AK9: variants seen among roughly 807,000 people sequenced by gnomAD.
AK9 encodes the protein adenylate kinase domain containing 1.
A neutral mutation model predicts 239.6 loss-of-function variants in AK9; 191 were observed. The ratio of observed to expected loss-of-function variants is 0.80; its 90% CI spans 0.71 to 0.90. AK9 has a LOEUF of 0.90. AK9 is among the 40% of genes least tolerant of loss of function. AK9 has a pLI of 0.00. For missense variants in AK9, 1,995 were observed against 2,214.7 expected, an observed-to-expected ratio of 0.90 and a Z score of 1.99; for synonymous variants, 689 against 721.0, an observed-to-expected ratio of 0.96 and a Z score of 0.71.
intron 38 of AK9, among the ~76,000 whole-genome samples, chr6:109,497,174 A>C (rs562324802): frequency 1.6e-4 from 25 of 151,712 alleles, no homozygotes; most frequent in Non-Finnish European, 2.9e-4. Context: ...CTGACCTTAC[A>C]CCCACACACA....
chr6:109,618,258 G>A (rs1318022041), intron 13 of AK9, among the ~76,000 whole-genome samples: 3 of 151,984 alleles, frequency 2.0e-5, no homozygotes, highest in Non-Finnish European at 4.4e-5. Context: ...AGGAAATGTT[G>A]CATTAAGGAC....
At chr6:109,592,707 AAGTGCTGGTTTTAC>A (rs1375561776) in intron 17 of AK9, among the ~76,000 whole-genome samples, 2 of 152,028 alleles carry the variant, frequency 1.3e-5, no homozygotes, top group Non-Finnish European at 2.9e-5. Flanking sequence ...CGGCCTTCAA[AAGTGCTGGTTTTAC>A]AGGCATGAGC....
intron 15 of AK9, 55 bp from the exon 16 acceptor site, chr6:109,612,148 G>T: frequency 8.5e-7 from 1 of 1,175,624 alleles, no homozygotes; most frequent in South Asian, 1.5e-5. Context: ...AAATGTAGGT[G>T]ATTCCCAAGG....
In AK9 at chr6:109,585,191, A is replaced by C; in HGVS notation, c.2046T>G (p.Ile682Met). The C allele has an allele frequency of 9.7e-7, 1 of 1,036,114 alleles. No individual in the cohort carries two copies. Among genetic ancestry groups the C allele is most frequent in the Non-Finnish European group, 1.3e-6 (1 of 790,436 alleles). 64.2% of individuals were successfully genotyped at this position (1,036,114 alleles called of 1,614,324 possible). A position where few individuals can be genotyped will look rare whatever the true frequency, so the allele number is the denominator to read the frequency against. The change falls in exon 19 of 41, where the codon ATT (isoleucine) becomes ATG (methionine). Residue 682 changes from isoleucine to methionine, a missense_variant. This residue lies in a region of AK9 where 1,290 missense variants were observed against 1,392.7 expected (regional missense o/e 0.93). Transcript: ENST00000424296. Reference protein sequence around the residue: ...NRIYLQKKSEIDSKILERLLE... With the variant: ...NRIYLQKKSEMDSKILERLLE... ...ATAATCTTTCTAAAATCTTAGAGTCAATTTCAGATTTCTTCTGTAAATATA... is the reference window on the plus strand; with the variant it reads ...ATAATCTTTCTAAAATCTTAGAGTCCATTTCAGATTTCTTCTGTAAATATA...
rs140053881 is a variant in AK9, at chr6:109,521,298, G to A, written c.3634-4656C>T. Among the ~76,000 whole-genome samples, 55 of 152,142 alleles carry A rather than the reference G, an allele frequency of 3.6e-4. No homozygotes were observed. The East Asian group carries it at 7.1e-3, about 20-fold the overall frequency. ...CCTCTTTCCTGCCAGTGATGATGAG[G>A]AATTTAGCTAACTTACATCACTCCT... is the stretch of plus-strand genomic sequence containing the variant. On this transcript the variant is annotated intron_variant, in intron 29 of 40. Transcript: ENST00000424296.
chr6:109,531,598 T>C (rs1781265516), intron 28 of AK9, among the ~76,000 whole-genome samples: 1 of 152,194 alleles, frequency 6.6e-6, no homozygotes, highest in Non-Finnish European at 1.5e-5. Context: ...CAACAGCCAC[T>C]GCGGCTACTG....
At chr6:109,541,922 A>T (rs1782948889) in intron 27 of AK9, 125 bp downstream of exon 27, 2 of 876,170 alleles carry the variant, frequency 2.3e-6, no homozygotes, top group Admixed American at 7.0e-5. Flanking sequence ...CTCAAGTGAA[A>T]AATCACCAGC....
intron 1 of AK9, among the ~76,000 whole-genome samples, chr6:109,690,042 A>G (rs1315873833): frequency 6.6e-6 from 1 of 152,214 alleles, no homozygotes; most frequent in Non-Finnish European, 1.5e-5. Flanking sequence ...TTTCTTTACA[A>G]TTTTTGTAAT....
chr6:109,682,593 A>C (rs148457798), intron 1 of AK9, among the ~76,000 whole-genome samples: 1 of 152,142 alleles, frequency 6.6e-6, no homozygotes. Flanking sequence ...CAGAAATACA[A>C]ACTACCATCA....
At chr6:109,626,730 A>C (rs1305223131) in intron 12 of AK9, among the ~76,000 whole-genome samples, 1 of 152,228 alleles carries the variant, frequency 6.6e-6, no homozygotes, top group African/African-American at 2.4e-5. Flanking sequence ...ACATATCTAA[A>C]TATAGAAAAG....
intron 6 of AK9, among the ~76,000 whole-genome samples, chr6:109,661,402 C>T (rs911022): frequency 0.71 from 108,364 of 152,098 alleles, 39,085 homozygotes; most frequent in East Asian, 0.99. Flanking sequence ...CTTTAGTTCA[C>T]CAAACCTAGA....
intron 6 of AK9, 33 bp from the exon 7 acceptor site, chr6:109,659,446 A>T: frequency 6.4e-7 from 1 of 1,566,942 alleles, no homozygotes. Flanking sequence ...CACTTAAAAC[A>T]TTTTGAATAT....
chr6:109,614,666 G>A (rs1249095579), intron 13 of AK9, among the ~76,000 whole-genome samples, 186 bp from the exon 14 acceptor site: 1 of 152,096 alleles, frequency 6.6e-6, no homozygotes, highest in Admixed American at 6.6e-5. Context: ...GGCAAAATGA[G>A]GATCTTTAAA....
At chr6:109,560,405 GT>G (rs1304944180) in intron 24 of AK9, among the ~76,000 whole-genome samples, 7 of 152,132 alleles carry the variant, frequency 4.6e-5, no homozygotes, top group Non-Finnish European at 7.4e-5. Context: ...GACATTAGCT[GT>G]TAGAGACTTT....
intron 29 of AK9, among the ~76,000 whole-genome samples, chr6:109,526,605 A>G (rs1017681690): frequency 1.3e-5 from 2 of 152,118 alleles, no homozygotes; most frequent in African/African-American, 4.8e-5. Flanking sequence ...GTGACGGAAG[A>G]GGAAAGCATG....
intron 20 of AK9, among the ~76,000 whole-genome samples, chr6:109,573,809 G>A (rs1362405123): frequency 6.6e-6 from 1 of 152,164 alleles, no homozygotes; most frequent in African/African-American, 2.4e-5. Flanking sequence ...AGTTCTGTAT[G>A]AGTACCAGAC....
At chr6:109,565,487 T>A (rs79118290) in intron 21 of AK9, among the ~76,000 whole-genome samples, 33 of 145,744 alleles carry the variant, frequency 2.3e-4, no homozygotes, top group East Asian at 1.2e-3. Context: ...AAAAAAAAAT[T>A]TTTTTTCAAG....
intron 17 of AK9, among the ~76,000 whole-genome samples, chr6:109,591,034 A>G (rs1321666883): frequency 3.3e-5 from 5 of 152,186 alleles, no homozygotes; most frequent in Admixed American, 2.0e-4. Context: ...TGTTAGGTCC[A>G]TTTGGTCTAG....
At chr6:109,641,399 G>T in intron 10 of AK9, 119 bp downstream of exon 10, 1 of 628,246 alleles carries the variant, frequency 1.6e-6, no homozygotes, top group Non-Finnish European at 2.7e-6. Context: ...GGTCATCCAG[G>T]CTGGTCTCAG....
Sources: gnomAD v4.1 joint callset for allele counts (sites outside exome capture counted in the v4.1 genomes callset) on GRCh38, gnomAD v4.1.1 for gene constraint, gnomAD v4.1.1 regional missense constraint, MANE v1.5 for transcripts, NCBI Gene and HGNC (gene_info 2026-07-23, HGNC 2026-07-21) for gene names.